Variants in MYO5B observed in about 807,000 individuals in gnomAD.
MYO5B encodes myosin VB, also known as unconventional myosin-Vb.
MYO5B carries 143 observed loss-of-function variants against 229.3 expected under a neutral mutation model. That is an observed-to-expected ratio of 0.62 (90% CI 0.54 to 0.72). The LOEUF (loss-of-function observed/expected upper bound fraction) is 0.72, where lower values mean the gene tolerates loss of function less well. Ranked by LOEUF, MYO5B falls within the 30% of genes least tolerant of loss-of-function variation. The probability of loss-of-function intolerance (pLI) is 0.00; values close to 1 mark genes in which losing one functional copy is unlikely to be tolerated. For missense variants in MYO5B, 2,321 were observed against 2,331.0 expected, an observed-to-expected ratio of 1.00 and a Z score of 0.09; for synonymous variants, 918 against 885.2, an observed-to-expected ratio of 1.04 and a Z score of -0.66.
At chr18:50,042,063 G>A (rs1019446805) in intron 2 of MYO5B, among the ~76,000 whole-genome samples, 3 of 152,156 alleles carry the variant, frequency 2.0e-5, no homozygotes, top group Admixed American at 6.5e-5. Flanking sequence ...AGACTGACAA[G>A]ACCCTAACAA....
At chr18:50,187,986 T>TA (rs1315496404) in intron 1 of MYO5B, among the ~76,000 whole-genome samples, 5 of 152,216 alleles carry the variant, frequency 3.3e-5, no homozygotes, top group African/African-American at 1.2e-4. Flanking sequence ...GTGAGCTTTA[T>TA]AGACCAGTTA....
intron 1 of MYO5B, among the ~76,000 whole-genome samples, chr18:50,193,777 CAT>C (rs2144368221): frequency 6.6e-6 from 1 of 152,376 alleles, no homozygotes; most frequent in East Asian, 1.9e-4. Context: ...GCATAGGGCA[CAT>C]GTGAAGAAAA....
chr18:49,875,545 C>A, intron 26 of MYO5B, 142 bp downstream of exon 26: 1 of 1,138,220 alleles, frequency 8.8e-7, no homozygotes, highest in Non-Finnish European at 1.3e-6. Flanking sequence ...CAGCATGACT[C>A]CAATGCACTA....
chr18:50,116,763 C>T lies in MYO5B; in HGVS notation c.28-61385G>A, dbSNP rs544088823. Among the ~76,000 whole-genome samples, 97 of 150,962 alleles carry T rather than the reference C, an allele frequency of 6.4e-4. 1 individual carries two copies. The Middle Eastern group carries it at 0.02, about 32-fold the overall frequency. On this transcript the variant is annotated intron_variant, in intron 1 of 39. Transcript: ENST00000285039. Reference sequence around the variant, plus strand: ...GCCCCACCCAGACCCACTAAATCAGCAGTCTAGGGTATTCAGGAGTCTTTA... The same window carrying T: ...GCCCCACCCAGACCCACTAAATCAGTAGTCTAGGGTATTCAGGAGTCTTTA...
At chr18:50,075,906 A>G (rs1297532596) in intron 1 of MYO5B, among the ~76,000 whole-genome samples, 1 of 152,198 alleles carries the variant, frequency 6.6e-6, no homozygotes, top group Non-Finnish European at 1.5e-5. Flanking sequence ...CTACCAGTAA[A>G]TGCACATCAG....
chr18:49,930,706 C>G (rs1200877889), intron 16 of MYO5B, among the ~76,000 whole-genome samples: 1 of 152,048 alleles, frequency 6.6e-6, no homozygotes. Context: ...TCCTGGCTAA[C>G]ACGGTGAAAC....
rs80164714 is a variant in MYO5B, at chr18:50,055,664, C to T, written c.28-286G>A. 6.4e-3 allele frequency among the ~76,000 whole-genome samples: 978 copies of T among 152,214 alleles called. 2 individuals carry two copies. Among genetic ancestry groups the T allele is most frequent in the Non-Finnish European group, 0.01 (701 of 68,016 alleles). On this transcript the variant is annotated intron_variant, in intron 1 of 39. Coordinates refer to ENST00000285039, the MANE Select transcript of MYO5B (RefSeq NM_001080467.3). ...TGTTGAGCCTGCATTTGTTTATATA[C>T]ACTAGATATTGCACCATTATCTCAA...
At chr18:50,125,692 T>C (rs1049392498) in intron 1 of MYO5B, among the ~76,000 whole-genome samples, 4 of 152,184 alleles carry the variant, frequency 2.6e-5, no homozygotes, top group African/African-American at 9.6e-5. Flanking sequence ...ACAGCAGGAA[T>C]TCAAACAGAT....
intron 4 of MYO5B, among the ~76,000 whole-genome samples, chr18:50,020,034 G>C (rs1201744299): frequency 2.6e-5 from 4 of 152,100 alleles, no homozygotes; most frequent in Non-Finnish European, 5.9e-5. Flanking sequence ...AGCTCACCAA[G>C]CTCATCTACC....
chr18:50,119,691 G>A (rs1176343139), intron 1 of MYO5B, among the ~76,000 whole-genome samples: 1 of 152,134 alleles, frequency 6.6e-6, no homozygotes, highest in East Asian at 1.9e-4. Flanking sequence ...GTATTAAAGG[G>A]AAAACCTCAT....
intron 14 of MYO5B, among the ~76,000 whole-genome samples, chr18:49,951,624 A>G (rs1004215892): frequency 2.0e-5 from 3 of 152,200 alleles, no homozygotes; most frequent in Non-Finnish European, 2.9e-5. Context: ...CACTCAAATT[A>G]AGATGCTCAG....
rs552127947 is a variant in MYO5B at position 50,048,241 on chromosome 18, A to C, written c.138+7027T>G. On this transcript the variant is annotated intron_variant, in intron 2 of 39. Transcript: ENST00000285039. ...TATTCTCCTTAAAGAGAACCTTCTT[A>C]TTCTTCCTCTTGCACCATGAAGCAC... Among the ~76,000 whole-genome samples, 7 of 152,224 alleles carry C rather than the reference A, an allele frequency of 4.6e-5. No homozygotes were observed. In the South Asian group the frequency reaches 1.2e-3, roughly 27 times the overall value.
chr18:49,957,930 G>GCC (rs572341425), intron 12 of MYO5B, among the ~76,000 whole-genome samples: 3 of 151,400 alleles, frequency 2.0e-5, no homozygotes, highest in African/African-American at 7.3e-5. Context: ...AGCCCAGCTG[G>GCC]CCCCCCCCAG....
intron 1 of MYO5B, among the ~76,000 whole-genome samples, chr18:50,104,586 A>G (rs1402604805): frequency 6.6e-6 from 1 of 152,224 alleles, no homozygotes; most frequent in African/African-American, 2.4e-5. Flanking sequence ...CATGGGCATC[A>G]GGAAAGACCT....
intron 1 of MYO5B, among the ~76,000 whole-genome samples, chr18:50,103,999 TAA>T (rs34686037): frequency 0.15 from 20,063 of 131,714 alleles, 1,546 homozygotes; most frequent in East Asian, 0.24. Context: ...CCATCTCCAT[TAA>T]AAAAAAAAAA....
At chr18:50,139,652 A>T (rs1200378432) in intron 1 of MYO5B, among the ~76,000 whole-genome samples, 1 of 152,140 alleles carries the variant, frequency 6.6e-6, no homozygotes, top group Non-Finnish European at 1.5e-5. Context: ...CTGCCTGGCA[A>T]GCCACTCTAT....
chr18:50,049,621 T>C (rs954395891), intron 2 of MYO5B, among the ~76,000 whole-genome samples: 8 of 152,178 alleles, frequency 5.3e-5, no homozygotes, highest in African/African-American at 9.6e-5. Context: ...TTCTCTGTTG[T>C]GGGGGTGCCA....
chr18:49,946,037 T>A (rs973978769), intron 14 of MYO5B, among the ~76,000 whole-genome samples: 2 of 152,114 alleles, frequency 1.3e-5, no homozygotes, highest in African/African-American at 4.8e-5. Context: ...TGGGTAGAAG[T>A]TACCAATCTG....
chr18:49,932,496 C>A (rs949264), intron 16 of MYO5B, among the ~76,000 whole-genome samples: 79,221 of 151,838 alleles, frequency 0.52, 21,089 homozygotes, highest in Middle Eastern at 0.7. Context: ...CTGCTTTCCC[C>A]TGTGGTCTGG....
Sources: gnomAD v4.1 joint callset for allele counts (sites outside exome capture counted in the v4.1 genomes callset) on GRCh38, gnomAD v4.1.1 for gene constraint, MANE v1.5 for transcripts, NCBI Gene and HGNC (gene_info 2026-07-23, HGNC 2026-07-21) for gene names.